NYAP2: variants seen among roughly 807,000 people sequenced by gnomAD.
NYAP2 encodes the protein neuronal tyrosine-phosphorylated phosphoinositide-3-kinase adaptor 2.
In NYAP2, 23 loss-of-function variants were observed where a neutral mutation model predicts 50.4. That is an observed-to-expected ratio of 0.46 (90% CI 0.33 to 0.65). The LOEUF (loss-of-function observed/expected upper bound fraction) is 0.65. NYAP2 is among the 30% of genes least tolerant of loss of function. The pLI is 0.02. For synonymous variants in NYAP2, 394 were observed against 365.2 expected (o/e 1.08, Z -0.90); for missense variants, 885 against 861.0 (o/e 1.03, Z -0.35).
At chr2:225,541,912 A>G (rs185055661) in intron 4 of NYAP2, among the ~76,000 whole-genome samples, 1 of 152,262 alleles carries the variant, frequency 6.6e-6, no homozygotes, top group African/African-American at 2.4e-5. Flanking sequence ...GATCCTTCCA[A>G]TCCATGAACA....
intron 5 of NYAP2, among the ~76,000 whole-genome samples, chr2:225,622,833 C>T (rs896712854): frequency 7.3e-5 from 11 of 151,318 alleles, no homozygotes; most frequent in African/African-American, 1.9e-4. Context: ...GATCCACCTG[C>T]CTTTGCCTCC....
chr2:225,604,173 T>C lies in NYAP2; in HGVS notation c.1618+21138T>C, dbSNP rs1048506563. On this transcript the variant is annotated intron_variant, in intron 5 of 6. Coordinates refer to ENST00000636099, the Ensembl canonical transcript of NYAP2. ...GTGAAAGAGTGTGAAGAAAAGAGGA[T>C]GACAAGAGTTCATTCAAGGGAGCAG... is the stretch of plus-strand genomic sequence containing the variant. Among the ~76,000 whole-genome samples the C allele has an allele frequency of 9.2e-5, 14 of 151,752 alleles. 1 individual carries two copies. Among genetic ancestry groups the C allele is most frequent in the Non-Finnish European group, 2.9e-5 (2 of 67,872 alleles).
upstream of NYAP2, among the ~76,000 whole-genome samples, chr2:225,398,946 C>T (rs766649297): frequency 3.9e-5 from 6 of 152,032 alleles, no homozygotes; most frequent in Non-Finnish European, 7.4e-5. Context: ...AAAATTACAG[C>T]ACAGTCTCAG....
At chr2:225,409,569 T>C (rs1469062876) in intron 3 of NYAP2, among the ~76,000 whole-genome samples, 2 of 152,034 alleles carry the variant, frequency 1.3e-5, no homozygotes. Context: ...GGTAGAATCC[T>C]CAGGGTGTGC....
chr2:225,544,341 G>T (rs1435353221), intron 4 of NYAP2, among the ~76,000 whole-genome samples: 7 of 150,756 alleles, frequency 4.6e-5, no homozygotes, highest in Non-Finnish European at 8.9e-5. Context: ...TTCATTTTCT[G>T]GTCTTCTTTC....
chr2:225,571,811 A>G (rs983526756), intron 4 of NYAP2, among the ~76,000 whole-genome samples: 2 of 152,194 alleles, frequency 1.3e-5, no homozygotes, highest in African/African-American at 2.4e-5. Flanking sequence ...CAGCTGCAAC[A>G]GGCTTGAATT....
intron 4 of NYAP2, among the ~76,000 whole-genome samples, chr2:225,564,935 G>A (rs1188582426): frequency 1.3e-5 from 2 of 151,998 alleles, no homozygotes; most frequent in Non-Finnish European, 2.9e-5. Context: ...TTCAAGACCA[G>A]CCTGGGCAAC....
intron 3 of NYAP2, among the ~76,000 whole-genome samples, chr2:225,487,422 C>T (rs1690320944): frequency 6.6e-6 from 1 of 151,930 alleles, no homozygotes; most frequent in African/African-American, 2.4e-5. Context: ...TGCAGTGGCA[C>T]AATCTTGGCT....
At chr2:225,528,033 T>A (rs904298283) in intron 4 of NYAP2, among the ~76,000 whole-genome samples, 3 of 152,266 alleles carry the variant, frequency 2.0e-5, no homozygotes, top group Admixed American at 6.5e-5. Context: ...CCATAATCCC[T>A]AACTTAATCA....
the NYAP2 span, among the ~76,000 whole-genome samples, chr2:225,695,859 G>T: frequency 6.6e-6 from 1 of 151,810 alleles, no homozygotes. Flanking sequence ...CTACAGTCCT[G>T]AGCTAGGAAT....
At chr2:225,512,819 T>TTCTCTC (rs145877640) in intron 3 of NYAP2, among the ~76,000 whole-genome samples, 44 of 71,438 alleles carry the variant, frequency 6.2e-4, no homozygotes, top group South Asian at 2.4e-3. Context: ...TTTTCTTTCT[T>TTCTCTC]TCTCTCTCTC....
intron 4 of NYAP2, among the ~76,000 whole-genome samples, chr2:225,569,077 A>G (rs547811418): frequency 6.6e-6 from 1 of 152,308 alleles, no homozygotes; most frequent in South Asian, 2.1e-4. Context: ...ATGCAGCTAT[A>G]TGAGGGATAG....
At position 225,541,241 on chromosome 2, in the gene NYAP2, G is replaced by T. The variant is rs116801507; in HGVS notation, c.523+27569G>T. 3.1e-3 allele frequency among the ~76,000 whole-genome samples: 466 copies of T among 152,168 alleles called. 1 individual carries two copies. The highest frequency in any genetic ancestry group is 0.011 in the African/African-American group (442 of 41,512). ...AATATTTTATTCCATTTTGTAGGTT[G>T]TCTCTTCACTTTGTTTATTGTTTCC... On this transcript the variant is annotated intron_variant, in intron 4 of 6. Coordinates refer to ENST00000636099, the Ensembl canonical transcript of NYAP2.
intron 3 of NYAP2, among the ~76,000 whole-genome samples, chr2:225,467,621 C>T (rs569852768): frequency 7.9e-5 from 12 of 152,262 alleles, no homozygotes; most frequent in Non-Finnish European, 1.2e-4. Flanking sequence ...GCCTTTCAAT[C>T]AAATTTTTCT....
intron 3 of NYAP2, among the ~76,000 whole-genome samples, 163 bp from the exon 4 acceptor site, chr2:225,513,208 T>C (rs1298836462): frequency 6.6e-6 from 1 of 152,166 alleles, no homozygotes; most frequent in Admixed American, 6.6e-5. Context: ...AACACAAAAG[T>C]TAGAATGCTT....
chr2:225,460,479 ATTC>A (rs1383575431), intron 3 of NYAP2, among the ~76,000 whole-genome samples: 1 of 152,156 alleles, frequency 6.6e-6, no homozygotes, highest in Admixed American at 6.5e-5. Context: ...GGTAATAATA[ATTC>A]TTCTCTAATC....
At chr2:225,607,150 G>A (rs561325627) in intron 5 of NYAP2, among the ~76,000 whole-genome samples, 1 of 152,106 alleles carries the variant, frequency 6.6e-6, no homozygotes, top group East Asian at 1.9e-4. Context: ...TTACATCTCG[G>A]CCCTTTCATT....
chr2:225,446,568 A>G (rs902655444), intron 3 of NYAP2, among the ~76,000 whole-genome samples: 1 of 152,132 alleles, frequency 6.6e-6, no homozygotes, highest in Admixed American at 6.6e-5. Context: ...AGAAACACAG[A>G]GGAAGGAAGT....
chr2:225,412,958 G>A (rs187908152), intron 3 of NYAP2, among the ~76,000 whole-genome samples: 55 of 152,206 alleles, frequency 3.6e-4, no homozygotes, highest in Admixed American at 7.9e-4. Context: ...AGTCATTTGC[G>A]GGCCATGCCT....
Sources: allele counts gnomAD v4.1 joint callset (sites outside exome capture counted in the v4.1 genomes callset), GRCh38; gene constraint gnomAD v4.1.1; transcripts MANE v1.5; gene names NCBI Gene and HGNC (gene_info 2026-07-23, HGNC 2026-07-21).